The following MARCHF6 variants were observed in gnomAD, a reference collection of about 807,000 sequenced individuals.
The protein encoded by MARCHF6 is E3 ubiquitin-protein ligase MARCHF6.
Under a neutral mutation model 133.7 loss-of-function variants are expected in MARCHF6, and 31 were observed. The ratio of observed to expected loss-of-function variants is 0.23; its 90% CI spans 0.17 to 0.31. The LOEUF is 0.31. Among genes scored for constraint, MARCHF6 ranks in the 10% least tolerant of loss-of-function variants. The pLI is 1.00. For missense variants in MARCHF6, 723 were observed against 1,121.6 expected (o/e 0.64, Z 5.08); for synonymous variants, 395 against 402.5 (o/e 0.98, Z 0.22).
intron 24 of MARCHF6, among the ~76,000 whole-genome samples, chr5:10,427,090 T>C (rs1579621363): frequency 6.6e-6 from 1 of 152,200 alleles, no homozygotes; most frequent in Non-Finnish European, 1.5e-5. Flanking sequence ...ATCCAACAAA[T>C]TGCATAAGTC....
At chr5:10,388,751 G>T (rs1227455422) in intron 5 of MARCHF6, among the ~76,000 whole-genome samples, 2 of 152,210 alleles carry the variant, frequency 1.3e-5, no homozygotes, top group South Asian at 4.1e-4. Context: ...GAAGAAGCTT[G>T]CAGGCCCTCC....
chr5:10,435,333 A>G lies in MARCHF6; in HGVS notation c.*1649A>G, dbSNP rs574960529. 3.3e-5 allele frequency: 5 copies of G among 152,092 alleles called. No individual in the cohort carries two copies. The highest frequency in any genetic ancestry group is 2.6e-4 in the Admixed American group (4 of 15,248). The allele number at this position is 152,092 out of a possible 1,614,324, so 9.4% of individuals were successfully genotyped here. On this transcript the variant is annotated 3_prime_UTR_variant, in exon 26 of 26. Coordinates refer to ENST00000274140, the MANE Select transcript of MARCHF6 (RefSeq NM_005885.4). Reference sequence around the variant, plus strand: ...TGGCTCCGGCCGGTTGTCCTGGCACACAAGGAGGCGAGGCTATGCGTTCGA... The same window carrying G: ...TGGCTCCGGCCGGTTGTCCTGGCACGCAAGGAGGCGAGGCTATGCGTTCGA...
At chr5:10,408,016 C>T (rs551226000) in intron 17 of MARCHF6, among the ~76,000 whole-genome samples, 14 of 147,682 alleles carry the variant, frequency 9.5e-5, no homozygotes, top group African/African-American at 3.5e-4. Context: ...CTTTACCACT[C>T]ATCCTATATG....
At chr5:10,431,018 A>G (rs537843431) in intron 25 of MARCHF6, among the ~76,000 whole-genome samples, 4 of 152,332 alleles carry the variant, frequency 2.6e-5, no homozygotes, top group African/African-American at 9.6e-5. Flanking sequence ...GTCCCAGTTT[A>G]TACCTGCTGC....
chr5:10,422,505 T>A (rs1739877014), intron 22 of MARCHF6, among the ~76,000 whole-genome samples: 1 of 152,196 alleles, frequency 6.6e-6, no homozygotes. Flanking sequence ...GGACTTTTTT[T>A]CTGTAGCACT....
intron 1 of MARCHF6, among the ~76,000 whole-genome samples, chr5:10,361,667 G>A (rs1735835001): frequency 1.3e-5 from 2 of 152,162 alleles, no homozygotes; most frequent in African/African-American, 4.8e-5. Flanking sequence ...GGGGGGAGGG[G>A]CAGTGCAATT....
chr5:10,418,271 T>C (rs1461689598), intron 22 of MARCHF6, among the ~76,000 whole-genome samples: 2 of 151,700 alleles, frequency 1.3e-5, no homozygotes, highest in East Asian at 3.9e-4. Flanking sequence ...TCCCAGCTAC[T>C]CGAGAGGCTG....
At chr5:10,391,763 G>A (rs1036604156) in intron 7 of MARCHF6, 32 bp downstream of exon 7, 5 of 1,472,720 alleles carry the variant, frequency 3.4e-6, no homozygotes, top group Non-Finnish European at 4.5e-6. Flanking sequence ...TCACTCTTCA[G>A]CACTGCAAAT....
chr5:10,426,448 C>G lies in MARCHF6; in HGVS notation c.2432C>G (p.Ala811Gly). 6.2e-7 allele frequency: 1 copy of G among 1,614,132 alleles called. No homozygotes were observed. Among genetic ancestry groups the G allele is most frequent in the Non-Finnish European group, 8.5e-7 (1 of 1,179,986 alleles). The part of the protein sequence containing the change: ...DLHYIVRKLA[A>G]PVISVLLLSL... Reference sequence around the variant, plus strand: ...CACTATATTGTTCGTAAACTGGCAGCTCCCGTGATCTCTGTGCTGTTGCTT... The same window carrying G: ...CACTATATTGTTCGTAAACTGGCAGGTCCCGTGATCTCTGTGCTGTTGCTT... Residue 811 changes from alanine (A) to glycine (G), a missense_variant, in exon 24 of 26, where the codon GCT (alanine) becomes GGT (glycine). Ala to Gly is a moderately conservative substitution (Grantham distance 60, BLOSUM62 0). This residue lies in a region of MARCHF6 where 492 missense variants were observed against 699.5 expected (regional missense o/e 0.70). Transcript: ENST00000274140.
intron 17 of MARCHF6, 22 bp downstream of exon 17, chr5:10,407,224 T>C (rs760235713): frequency 1.5e-6 from 2 of 1,297,926 alleles, no homozygotes; most frequent in South Asian, 2.5e-5. Flanking sequence ...AAATTTAGAA[T>C]AGCTTTACTA....
intron 11 of MARCHF6, chr5:10,401,227 ATGACGGGT>A (rs1738519053): frequency 6.0e-6 from 1 of 167,924 alleles, no homozygotes; most frequent in Admixed American, 5.9e-5. Context: ...ATATTTTGGA[ATGACGGGT>A]TGTAGTGTTT....
chr5:10,405,210 T>C (rs1218104764), intron 15 of MARCHF6, among the ~76,000 whole-genome samples: 1 of 152,190 alleles, frequency 6.6e-6, no homozygotes, highest in African/African-American at 2.4e-5. Flanking sequence ...AGACCGTCTA[T>C]TTAGTACATT....
chr5:10,368,365 G>A (rs1222958946), intron 1 of MARCHF6, among the ~76,000 whole-genome samples: 1 of 152,132 alleles, frequency 6.6e-6, no homozygotes. Context: ...AGGCACATTG[G>A]CTCACACCTA....
chr5:10,426,411 A>T lies in MARCHF6; in HGVS notation c.2395A>T (p.Asn799Tyr), dbSNP rs1244053007. 6.2e-7 allele frequency: 1 copy of T among 1,613,764 alleles called. No homozygotes were observed. The highest frequency in any genetic ancestry group is 8.5e-7 in the Non-Finnish European group (1 of 1,179,868). ...IEQVYANGIR[N>Y]IDLHYIVRKL... Reference sequence around the variant, plus strand: ...TCAGGTTTACGCAAATGGCATCCGGAACATTGACCTTCACTATATTGTTCG... The same window carrying T: ...TCAGGTTTACGCAAATGGCATCCGGTACATTGACCTTCACTATATTGTTCG... Residue 799 changes from asparagine to tyrosine, a missense_variant, in exon 24 of 26, where the codon AAC (asparagine) becomes TAC (tyrosine). Physicochemically the swap from Asn to Tyr is moderately radical, Grantham distance 143 (BLOSUM62 -2). Coordinates refer to ENST00000274140, the MANE Select transcript of MARCHF6 (RefSeq NM_005885.4).
Position 10,433,908 on chromosome 5 carries a change from C to T in MARCHF6, c.*224C>T, listed in dbSNP as rs1454452361. ...TTTGTATATGTGTAAATACAAGTTC[C>T]TTGATACCCTAAAACCTTGGATTAA... On this transcript the variant is annotated 3_prime_UTR_variant, in exon 26 of 26. Coordinates refer to ENST00000274140, the MANE Select transcript of MARCHF6 (RefSeq NM_005885.4). 2 of 523,810 alleles carry T rather than the reference C, an allele frequency of 3.8e-6. No homozygotes were observed. Among genetic ancestry groups the T allele is most frequent in the African/African-American group, 1.9e-5 (1 of 52,148 alleles). The allele number at this position is 523,810 out of a possible 1,614,324, so 32.4% of individuals were successfully genotyped here. A position where few individuals can be genotyped will look rare whatever the true frequency, so the allele number is the denominator to read the frequency against.
At chr5:10,405,530 A>G (rs761651317) in intron 15 of MARCHF6, 28 bp from the exon 16 acceptor site, 5 of 1,568,502 alleles carry the variant, frequency 3.2e-6, no homozygotes, top group Non-Finnish European at 4.3e-6. Context: ...ATTGGTGAAT[A>G]TTCATAGTAT....
At position 10,410,295 on chromosome 5, in the gene MARCHF6, C is replaced by T; in HGVS notation, c.1691+19C>T. ...ACTTGCTGTGAGTATGGGCAGCTGACTCCTTGGACATGCATGTCATTTGTG... is the reference window on the plus strand; with the variant it reads ...ACTTGCTGTGAGTATGGGCAGCTGATTCCTTGGACATGCATGTCATTTGTG... On this transcript the variant is annotated intron_variant, in intron 18 of 25. Coordinates refer to ENST00000274140, the MANE Select transcript of MARCHF6 (RefSeq NM_005885.4). The T allele has an allele frequency of 6.2e-7, 1 of 1,610,252 alleles. No individual in the cohort carries two copies. The highest frequency in any genetic ancestry group is 8.5e-7 in the Non-Finnish European group (1 of 1,178,894).
In MARCHF6 at chr5:10,390,240, T is replaced by C. The variant is rs1020360384; in HGVS notation, c.408-92T>C. On this transcript the variant is annotated intron_variant, in intron 5 of 25. Transcript: ENST00000274140. ...TATTCTTCTGGCTGTTTTTTTTTTTTCTGAGACTTTAGTATAAGAAAATTT... is the reference window on the plus strand; with the variant it reads ...TATTCTTCTGGCTGTTTTTTTTTTTCCTGAGACTTTAGTATAAGAAAATTT... 8.4e-6 allele frequency: 8 copies of C among 956,052 alleles called. No individual in the cohort carries two copies. In the East Asian group the frequency reaches 1.3e-4, roughly 15 times the overall value. The allele number at this position is 956,052 out of a possible 1,614,324, so 59.2% of individuals were successfully genotyped here.
intron 1 of MARCHF6, among the ~76,000 whole-genome samples, chr5:10,377,065 T>TC (rs1339006461): frequency 6.6e-6 from 1 of 152,092 alleles, no homozygotes; most frequent in Non-Finnish European, 1.5e-5. Context: ...CCGTCGCGGT[T>TC]CCTCTGCCGT....
Sources: gnomAD v4.1 joint callset for allele counts (sites outside exome capture counted in the v4.1 genomes callset) on GRCh38, gnomAD v4.1.1 for gene constraint, gnomAD v4.1.1 regional missense constraint, MANE v1.5 for transcripts, NCBI Gene and HGNC (gene_info 2026-07-23, HGNC 2026-07-21) for gene names.